Variants in IPPK observed in about 807,000 individuals in gnomAD.
The protein encoded by IPPK is inositol-pentakisphosphate 2-kinase.
Under a neutral mutation model 64.6 loss-of-function variants are expected in IPPK, and 22 were observed. The ratio of observed to expected loss-of-function variants is 0.34; its 90% CI spans 0.24 to 0.49. IPPK has a LOEUF of 0.49. Ranked by LOEUF, IPPK falls within the 20% of genes least tolerant of loss-of-function variation. The probability of loss-of-function intolerance (pLI) is 0.99; values close to 1 mark genes in which losing one functional copy is unlikely to be tolerated. For missense variants in IPPK, 532 were observed against 630.7 expected, an observed-to-expected ratio of 0.84 and a Z score of 1.68; for synonymous variants, 262 against 247.2, an observed-to-expected ratio of 1.06 and a Z score of -0.56.
At chr9:92,669,220 C>T (rs1241298639) in intron 1 of IPPK, among the ~76,000 whole-genome samples, 1 of 152,136 alleles carries the variant, frequency 6.6e-6, no homozygotes, top group Admixed American at 6.6e-5. Context: ...TTGTACCAGA[C>T]AGCAAAAGGT....
At chr9:92,628,725 A>C (rs2131426535) in intron 11 of IPPK, among the ~76,000 whole-genome samples, 1 of 152,220 alleles carries the variant, frequency 6.6e-6, no homozygotes, top group South Asian at 2.1e-4. Flanking sequence ...AAAATACAAA[A>C]AATTAGCCGG....
Position 92,635,709 on chromosome 9 carries a change from T to C in IPPK, c.917-401A>G, listed in dbSNP as rs147334569. ...GTCAGGTCACAAAATTTCTTCTTTTTCTTTTCTTTTTTTTTTTTGAGACAG... is the reference window on the plus strand; with the variant it reads ...GTCAGGTCACAAAATTTCTTCTTTTCCTTTTCTTTTTTTTTTTTGAGACAG... On this transcript the variant is annotated intron_variant, in intron 9 of 12. Coordinates refer to ENST00000287996, the MANE Select transcript of IPPK (RefSeq NM_022755.6). The surrounding 1 kb of genome is among the most constrained non-coding windows in gnomAD (Gnocchi z 4.4). Among the ~76,000 whole-genome samples the C allele has an allele frequency of 3.9e-5, 6 of 152,066 alleles. No individual in the cohort carries two copies. In the East Asian group the frequency reaches 1.2e-3, roughly 29 times the overall value.
intron 3 of IPPK, among the ~76,000 whole-genome samples, chr9:92,654,656 A>C (rs1233965321): frequency 6.6e-6 from 1 of 152,226 alleles, no homozygotes; most frequent in Non-Finnish European, 1.5e-5. Flanking sequence ...AGAGGACCAG[A>C]GGGAAAGCCC....
Position 92,614,013 on chromosome 9 carries a change from A to T in IPPK, c.*1819T>A, listed in dbSNP as rs1403493525. ...CACCCGCGGCTCAGGGGCTCCTCAC[A>T]GCCCGGGCTGGTGGGAGCCAAGACC... On this transcript the variant is annotated 3_prime_UTR_variant, in exon 13 of 13. Transcript: ENST00000287996. 1 of 152,266 alleles carries T rather than the reference A, an allele frequency of 6.6e-6. No homozygotes were observed. The highest frequency in any genetic ancestry group is 1.9e-4 in the East Asian group (1 of 5,194). 9.4% of individuals were successfully genotyped at this position (152,266 alleles called of 1,614,324 possible).
intron 1 of IPPK, among the ~76,000 whole-genome samples, chr9:92,664,586 A>G (rs1852554845): frequency 6.6e-6 from 1 of 152,220 alleles, no homozygotes; most frequent in Admixed American, 6.5e-5. Flanking sequence ...CTGTGGGGAT[A>G]GGCACACCTC....
intron 1 of IPPK, among the ~76,000 whole-genome samples, chr9:92,661,316 G>A (rs1297224270): frequency 6.6e-6 from 1 of 152,244 alleles, no homozygotes; most frequent in South Asian, 2.1e-4. Context: ...GTCATGTGGG[G>A]TGAAGCCAAG....
chr9:92,614,465 A>AAAG lies in IPPK; in HGVS notation c.*1364_*1366dup, dbSNP rs1182032228. 2 of 152,584 alleles carry AAAG rather than the reference A, an allele frequency of 1.3e-5. No individual in the cohort carries two copies. The highest frequency in any genetic ancestry group is 1.9e-4 in the East Asian group (1 of 5,204). 9.5% of individuals were successfully genotyped at this position (152,584 alleles called of 1,614,324 possible). On this transcript the variant is annotated 3_prime_UTR_variant, in exon 13 of 13. Transcript: ENST00000287996. ...CATTGGAAGTGAGAAGAAAACAGTA[A>AAAG]AAGTGTCCAGTTAGATAAGTATCTT...
At chr9:92,650,337 A>C (rs1039164021) in intron 4 of IPPK, among the ~76,000 whole-genome samples, 3 of 152,110 alleles carry the variant, frequency 2.0e-5, no homozygotes, top group African/African-American at 4.8e-5. Flanking sequence ...AAAAAAAAAA[A>C]CAAAAACAAA....
intron 7 of IPPK, 87 bp from the exon 8 acceptor site, chr9:92,640,869 T>C (rs1386977122): frequency 1.1e-5 from 10 of 927,442 alleles, no homozygotes; most frequent in Admixed American, 3.4e-5. Context: ...TCAGAGGACA[T>C]GCTGGGTACT....
chr9:92,633,026 T>TA (rs1491111471), intron 11 of IPPK, among the ~76,000 whole-genome samples: 44 of 151,486 alleles, frequency 2.9e-4, no homozygotes, highest in Non-Finnish European at 3.7e-4. Flanking sequence ...TTTTTTTTTT[T>TA]ATGAGATGGA....
At chr9:92,657,580 A>G (rs546244798) in intron 2 of IPPK, among the ~76,000 whole-genome samples, 2 of 152,298 alleles carry the variant, frequency 1.3e-5, no homozygotes, top group African/African-American at 2.4e-5. Flanking sequence ...TGAATGCAGC[A>G]AAGAAGGGGA....
chr9:92,669,780 C>T, intron 1 of IPPK, 128 bp downstream of exon 1: 1 of 639,312 alleles, frequency 1.6e-6, no homozygotes. Flanking sequence ...TTCCGGAGAC[C>T]GGCCGGGGAG....
At chr9:92,637,555 G>A (rs550704058) in intron 9 of IPPK, among the ~76,000 whole-genome samples, 1 of 152,064 alleles carries the variant, frequency 6.6e-6, no homozygotes, top group South Asian at 2.1e-4. Context: ...CCATGGGTCT[G>A]TGTCTTCACC....
intron 6 of IPPK, 68 bp from the exon 7 acceptor site, chr9:92,642,878 C>T: frequency 2.6e-6 from 3 of 1,174,290 alleles, no homozygotes; most frequent in Non-Finnish European, 3.9e-6. Context: ...CAACTGAACA[C>T]ACAGAACAGC....
At chr9:92,631,786 AGTGT>A (rs762538628) in intron 11 of IPPK, among the ~76,000 whole-genome samples, 8 of 152,158 alleles carry the variant, frequency 5.3e-5, no homozygotes, top group Non-Finnish European at 1.0e-4. Flanking sequence ...TGTGTATGAG[AGTGT>A]GTGTGTGATC....
chr9:92,654,994 T>C (rs1264120768), intron 3 of IPPK, among the ~76,000 whole-genome samples: 1 of 152,204 alleles, frequency 6.6e-6, no homozygotes, highest in Admixed American at 6.5e-5. Flanking sequence ...GGAGCAACAG[T>C]GGAAGAACAA....
At chr9:92,663,250 A>G (rs1852524261) in intron 1 of IPPK, among the ~76,000 whole-genome samples, 1 of 152,230 alleles carries the variant, frequency 6.6e-6, no homozygotes, top group Admixed American at 6.5e-5. Context: ...TTCTACCTTT[A>G]GATAACAAAC....
intron 11 of IPPK, among the ~76,000 whole-genome samples, chr9:92,633,320 A>G (rs1851879312): frequency 6.6e-6 from 1 of 151,458 alleles, no homozygotes; most frequent in Non-Finnish European, 1.5e-5. Flanking sequence ...CCAGGATAAC[A>G]TTTTAAAATG....
At chr9:92,639,454 T>C (rs1852005857) in intron 8 of IPPK, among the ~76,000 whole-genome samples, 1 of 152,198 alleles carries the variant, frequency 6.6e-6, no homozygotes, top group Admixed American at 6.5e-5. Flanking sequence ...GTAGGTAACA[T>C]GCCTTGGCGG....
Sources: gnomAD v4.1 joint callset for allele counts (sites outside exome capture counted in the v4.1 genomes callset) on GRCh38, gnomAD v4.1.1 for gene constraint, Gnocchi (gnomAD v3.1) non-coding constraint, MANE v1.5 for transcripts, NCBI Gene and HGNC (gene_info 2026-07-23, HGNC 2026-07-21) for gene names.